SNX29: variants seen among roughly 807,000 people sequenced by gnomAD.
SNX29 encodes the protein sorting nexin-29.
In SNX29, 78 loss-of-function variants were observed where a neutral mutation model predicts 102.1. The ratio of observed to expected loss-of-function variants is 0.76; its 90% CI spans 0.64 to 0.92. The LOEUF is 0.92. Ranked by LOEUF, SNX29 falls within the 40% of genes least tolerant of loss-of-function variation. The pLI, the probability that SNX29 is intolerant of heterozygous loss-of-function variation, is 0.00. For missense variants in SNX29, 1,280 were observed against 1,061.7 expected, an observed-to-expected ratio of 1.21 and a Z score of -2.86; for synonymous variants, 580 against 414.5, an observed-to-expected ratio of 1.40 and a Z score of -4.85.
intron 11 of SNX29, among the ~76,000 whole-genome samples, chr16:12,111,802 A>G (rs1481271468): frequency 1.3e-5 from 2 of 152,338 alleles, no homozygotes; most frequent in East Asian, 3.9e-4. Context: ...GGGGTAAAGC[A>G]AAATCATGGG....
chr16:12,063,777 T>G (rs2050893897), intron 9 of SNX29, among the ~76,000 whole-genome samples: 1 of 151,698 alleles, frequency 6.6e-6, no homozygotes, highest in South Asian at 2.1e-4. Flanking sequence ...GAATTTCTCA[T>G]GGGTCTCAGT....
chr16:12,271,248 A>T (rs149116107), intron 14 of SNX29, among the ~76,000 whole-genome samples: 1 of 152,222 alleles, frequency 6.6e-6, no homozygotes, highest in Non-Finnish European at 1.5e-5. Flanking sequence ...AGGCTCTGTC[A>T]TGGTGTCAGT....
chr16:12,046,359 T>G, intron 5 of SNX29, 25 bp from the exon 6 acceptor site: 1 of 1,611,426 alleles, frequency 6.2e-7, no homozygotes. Flanking sequence ...CTAAGAACGA[T>G]TTCCTTTTCT....
At chr16:12,060,739 T>G in intron 8 of SNX29, 1 of 455,392 alleles carries the variant, frequency 2.2e-6, no homozygotes. Context: ...ATTTCTTGAT[T>G]GCTCAGAGGC....
intron 18 of SNX29, among the ~76,000 whole-genome samples, chr16:12,425,147 C>T (rs2085013077): frequency 6.6e-6 from 1 of 152,220 alleles, no homozygotes; most frequent in Admixed American, 6.5e-5. Flanking sequence ...TGAGACCGAT[C>T]TGTGCTCTTG....
At chr16:12,122,577 C>G (rs74456766) in intron 11 of SNX29, among the ~76,000 whole-genome samples, 1 of 151,944 alleles carries the variant, frequency 6.6e-6, no homozygotes, top group African/African-American at 2.4e-5. Flanking sequence ...CACAGAGGCA[C>G]GAGAGAAGGA....
At chr16:12,042,848 G>C in intron 4 of SNX29, 49 bp from the exon 5 acceptor site, 1 of 1,558,058 alleles carries the variant, frequency 6.4e-7, no homozygotes. Flanking sequence ...CTCTCCCAGT[G>C]CTGAGTGCCC....
In SNX29 at chr16:12,014,978, T is replaced by G. The variant is rs548703554; in HGVS notation, c.122+11935T>G. Among the ~76,000 whole-genome samples, 213 of 152,104 alleles carry G rather than the reference T, an allele frequency of 1.4e-3. 3 individuals are homozygous for G. Among genetic ancestry groups the G allele is most frequent in the South Asian group, 1.0e-3 (5 of 4,828 alleles). ...TTACTTTTTGGTCAACTATTTTTTTTGGGGGAGAGGGGGAGGGTCCCGTTT... is the reference window on the plus strand; with the variant it reads ...TTACTTTTTGGTCAACTATTTTTTTGGGGGGAGAGGGGGAGGGTCCCGTTT... On this transcript the variant is annotated intron_variant, in intron 3 of 20. Transcript: ENST00000566228.
chr16:12,552,771 ATC>A (rs2078064386), intron 20 of SNX29, among the ~76,000 whole-genome samples: 1 of 152,228 alleles, frequency 6.6e-6, no homozygotes, highest in Non-Finnish European at 1.5e-5. Context: ...GTATGAATTC[ATC>A]TCAGCTCTGG....
intron 15 of SNX29, among the ~76,000 whole-genome samples, chr16:12,299,299 C>CA (rs565771920): frequency 4.8e-4 from 69 of 143,494 alleles, no homozygotes; most frequent in African/African-American, 5.6e-4. Flanking sequence ...GACTCCGTCT[C>CA]AAAAAAAAAA....
chr16:12,191,410 A>G (rs2076639051), intron 13 of SNX29, among the ~76,000 whole-genome samples: 1 of 152,128 alleles, frequency 6.6e-6, no homozygotes, highest in South Asian at 2.1e-4. Flanking sequence ...CTTGCCAGGA[A>G]CATGACTTAC....
intron 18 of SNX29, among the ~76,000 whole-genome samples, chr16:12,452,546 G>T (rs1229646116): frequency 6.6e-6 from 1 of 152,224 alleles, no homozygotes; most frequent in Non-Finnish European, 1.5e-5. Context: ...GCAGGATGGG[G>T]TGAGGGGGTG....
At chr16:12,223,635 G>T (rs1359065940) in intron 14 of SNX29, among the ~76,000 whole-genome samples, 2 of 152,216 alleles carry the variant, frequency 1.3e-5, no homozygotes, top group Non-Finnish European at 2.9e-5. Flanking sequence ...TTGCACTCCA[G>T]CCTGGGTGAC....
chr16:12,437,824 C>T (rs1358659058), intron 18 of SNX29, among the ~76,000 whole-genome samples: 1 of 152,186 alleles, frequency 6.6e-6, no homozygotes, highest in African/African-American at 2.4e-5. Context: ...TGAAGCAGGG[C>T]TGGCCTTCCA....
intron 18 of SNX29, among the ~76,000 whole-genome samples, chr16:12,447,515 C>T (rs761939070): frequency 6.6e-6 from 1 of 152,176 alleles, no homozygotes; most frequent in Non-Finnish European, 1.5e-5. Flanking sequence ...TCCAGAGAAA[C>T]CACCCGGACA....
At chr16:12,424,431 A>G (rs2084978449) in intron 18 of SNX29, among the ~76,000 whole-genome samples, 1 of 152,236 alleles carries the variant, frequency 6.6e-6, no homozygotes, top group Non-Finnish European at 1.5e-5. Context: ...ATGTGCTAAT[A>G]TCATGGAGAT....
chr16:12,400,904 G>A (rs1193819182), intron 17 of SNX29, among the ~76,000 whole-genome samples: 3 of 152,080 alleles, frequency 2.0e-5, no homozygotes, highest in African/African-American at 7.2e-5. Flanking sequence ...CTCACTGCAA[G>A]CTCCGCCTCC....
Position 12,571,894 on chromosome 16 carries a change from C to G in SNX29, c.*3265C>G, listed in dbSNP as rs904681160. ...TAGAGTTTGGAGCTGAGGTTCAAAG[C>G]CCCCTGCATTTCTCTACTGGCAGGC... On this transcript the variant is annotated 3_prime_UTR_variant, in exon 21 of 21. Transcript: ENST00000566228. The G allele has an allele frequency of 2.8e-6, 3 of 1,061,654 alleles. No homozygotes were observed. Among genetic ancestry groups the G allele is most frequent in the South Asian group, 4.6e-5 (1 of 21,966 alleles). 65.8% of individuals were successfully genotyped at this position (1,061,654 alleles called of 1,614,324 possible). A position where few individuals can be genotyped will look rare whatever the true frequency, so the allele number is the denominator to read the frequency against.
At chr16:12,276,530 G>A (rs764500126) in intron 14 of SNX29, among the ~76,000 whole-genome samples, 1 of 152,136 alleles carries the variant, frequency 6.6e-6, no homozygotes, top group Non-Finnish European at 1.5e-5. Context: ...TCACTGGGGG[G>A]CTAGTCTCAG....
Sources: gnomAD v4.1 joint callset for allele counts (sites outside exome capture counted in the v4.1 genomes callset) on GRCh38, gnomAD v4.1.1 for gene constraint, MANE v1.5 for transcripts, NCBI Gene and HGNC (gene_info 2026-07-23, HGNC 2026-07-21) for gene names.